Variants in JADE2 observed in about 807,000 individuals in gnomAD.
JADE2 encodes E3 ubiquitin-protein ligase Jade-2.
JADE2 carries 13 observed loss-of-function variants against 85.7 expected under a neutral mutation model. The observed-to-expected ratio is 0.15, with a 90% confidence interval of 0.10 to 0.24. JADE2 has a LOEUF of 0.24. Ranked by LOEUF, JADE2 falls within the 10% of genes least tolerant of loss-of-function variation. JADE2 has a pLI of 1.00. For synonymous variants in JADE2, 440 were observed against 456.1 expected (o/e 0.96, Z 0.45); for missense variants, 846 against 1,115.9 (o/e 0.76, Z 3.45).
chr5:134,539,434 G>A (rs1334031528), intron 3 of JADE2, among the ~76,000 whole-genome samples: 1 of 150,020 alleles, frequency 6.7e-6, no homozygotes, highest in Non-Finnish European at 1.5e-5. Context: ...CCTGACCTCA[G>A]GTGATCCACC....
At position 134,581,386 on chromosome 5, in the gene JADE2, T is replaced by C. The variant is rs574801395; in HGVS notation, c.*2069T>C. 1 of 152,842 alleles carries C rather than the reference T, an allele frequency of 6.5e-6. No homozygotes were observed. The highest frequency in any genetic ancestry group is 2.1e-4 in the South Asian group (1 of 4,828). 9.5% of individuals were successfully genotyped at this position (152,842 alleles called of 1,614,324 possible). A position where few individuals can be genotyped will look rare whatever the true frequency, so the allele number is the denominator to read the frequency against. On this transcript the variant is annotated 3_prime_UTR_variant, in exon 12 of 12. Transcript: ENST00000681547. Reference sequence around the variant, plus strand: ...TGGGTCACCTCGGGCTGCAACCCTGTCTGTGCCAGATTGCCCGGTCTGACC... The same window carrying C: ...TGGGTCACCTCGGGCTGCAACCCTGCCTGTGCCAGATTGCCCGGTCTGACC...
chr5:134,556,023 A>C (rs1762893033), intron 4 of JADE2, among the ~76,000 whole-genome samples: 1 of 151,734 alleles, frequency 6.6e-6, no homozygotes, highest in South Asian at 2.1e-4. Flanking sequence ...CGTCTCCTTC[A>C]TCCTTCCTGC....
Position 134,535,332 on chromosome 5 carries a change from C to G in JADE2, c.1-526C>G, listed in dbSNP as rs138716553. Among the ~76,000 whole-genome samples, 8 of 152,292 alleles carry G rather than the reference C, an allele frequency of 5.3e-5. No individual in the cohort carries two copies. The South Asian group carries it at 1.5e-3, about 28-fold the overall frequency. On this transcript the variant is annotated intron_variant, in intron 1 of 11. Coordinates refer to ENST00000681547, the MANE Select transcript of JADE2 (RefSeq NM_001388185.1). ...CCTGGAGTGTCCCCCGCCTCTCCCCCGCTTCTGTACACTGCTGACCACCAC... is the reference window on the plus strand; with the variant it reads ...CCTGGAGTGTCCCCCGCCTCTCCCCGGCTTCTGTACACTGCTGACCACCAC...
Position 134,552,136 on chromosome 5 carries a change from C to T in JADE2, c.238C>T (p.Pro80Ser), listed in dbSNP as rs142606901. Reference sequence around the variant, plus strand: ...GGATGACTACTACATCCTGGCAGACCCATGGCGACAGGAATGGGAGAAAGG... The same window carrying T: ...GGATGACTACTACATCCTGGCAGACTCATGGCGACAGGAATGGGAGAAAGG... ...SPDDYYILAD[P>S]WRQEWEKGVQ... The change falls in exon 4 of 12, where the codon CCA becomes TCA. Residue 80 changes from proline to serine, a missense_variant. By Grantham distance (74) the Pro-to-Ser change is moderately conservative (BLOSUM62 -1). This residue lies in a region of JADE2 where 44 missense variants were observed against 92.0 expected (regional missense o/e 0.48). Transcript: ENST00000681547. 1.9e-6 allele frequency: 3 copies of T among 1,614,012 alleles called. No homozygotes were observed. The African/African-American group carries it at 4.0e-5, about 22-fold the overall frequency.
intron 4 of JADE2, 56 bp from the exon 5 acceptor site, chr5:134,559,774 C>G: frequency 6.4e-7 from 1 of 1,559,612 alleles, no homozygotes; most frequent in South Asian, 1.2e-5. Flanking sequence ...CCTGGAGCCC[C>G]TATGGCGGCA....
rs1436157662 is a variant in JADE2 at position 134,566,324 on chromosome 5, G to A, written c.1178G>A (p.Arg393His). 1 of 1,614,030 alleles carries A rather than the reference G, an allele frequency of 6.2e-7. No individual in the cohort carries two copies. The highest frequency in any genetic ancestry group is 8.5e-7 in the Non-Finnish European group (1 of 1,180,014). ...GAGGACCTGGAAAAGGTGACCCTGC[G>A]CAAGCAGCGGCTGCAGCAGCTAGAG... ...AGEDLEKVTL[R>H]KQRLQQLEED... The change falls in exon 9 of 12, where the codon CGC becomes CAC. Residue 393 changes from arginine (R) to histidine (H), a missense_variant. By Grantham distance (29) the Arg-to-His change is conservative. Around this residue, in one of 9 missense-constraint regions of JADE2, gnomAD observed 88 missense variants for 140.6 expected, o/e 0.63. Coordinates refer to ENST00000681547, the MANE Select transcript of JADE2 (RefSeq NM_001388185.1). This position sits in a 1 kb window ranked among gnomAD's most constrained non-coding sequence, Gnocchi z 6.7.
At chr5:134,552,819 C>T (rs539309887) in intron 4 of JADE2, among the ~76,000 whole-genome samples, 8 of 151,708 alleles carry the variant, frequency 5.3e-5, no homozygotes, top group Non-Finnish European at 5.9e-5. Flanking sequence ...ACTACAGGCT[C>T]ATGCCACCAC....
In JADE2 at chr5:134,579,364, G is replaced by C; in HGVS notation, c.*47G>C. 7.0e-7 allele frequency: 1 copy of C among 1,431,728 alleles called. No homozygotes were observed. 88.7% of individuals were successfully genotyped at this position (1,431,728 alleles called of 1,614,324 possible). A position where few individuals can be genotyped will look rare whatever the true frequency, so the allele number is the denominator to read the frequency against. ...GGCCCTGCCCTGGTCCCCCCACAAG[G>C]CCTCAGCCCAGTCACAACTGCCATT... On this transcript the variant is annotated 3_prime_UTR_variant, in exon 12 of 12. Transcript: ENST00000681547. The surrounding 1 kb of genome is among the most constrained non-coding windows in gnomAD (Gnocchi z 4.6).
At position 134,526,410 on chromosome 5, in the gene JADE2, G is replaced by A; in HGVS notation, c.-1+399G>A. On this transcript the variant is annotated intron_variant, in intron 1 of 11. Transcript: ENST00000681547. ...CCCGCGGGCTCCGGCCGGGCGTAGG[G>A]GCTGCGGCGGGAGATGGGTACGGTG... The A allele has an allele frequency of 5.1e-6, 5 of 985,352 alleles. No homozygotes were observed. In the South Asian group the frequency reaches 2.3e-4, roughly 46 times the overall value. 61.0% of individuals were successfully genotyped at this position (985,352 alleles called of 1,614,324 possible).
chr5:134,538,151 C>A, intron 3 of JADE2, 68 bp downstream of exon 3: 2 of 1,292,160 alleles, frequency 1.5e-6, no homozygotes, highest in Non-Finnish European at 2.2e-6. Context: ...GAGACTGGGG[C>A]AGAGCATTCC....
At chr5:134,536,790 AGGCCG>A (rs1320021324) in intron 2 of JADE2, 2 of 152,342 alleles carry the variant, frequency 1.3e-5, no homozygotes, top group Non-Finnish European at 2.9e-5. Flanking sequence ...CCTGCCAAGG[AGGCCG>A]GGCTTGGAGC....
At chr5:134,540,779 A>T (rs192650357) in intron 3 of JADE2, among the ~76,000 whole-genome samples, 87 of 152,248 alleles carry the variant, frequency 5.7e-4, no homozygotes, top group Admixed American at 1.8e-3. Flanking sequence ...TCCAGGGGGA[A>T]CTTAAGCCAG....
chr5:134,552,197 A>T lies in JADE2; in HGVS notation c.299A>T (p.Glu100Val). 8 of 1,613,940 alleles carry T rather than the reference A, an allele frequency of 5.0e-6. No individual in the cohort carries two copies. Among genetic ancestry groups the T allele is most frequent in the Non-Finnish European group, 5.9e-6 (7 of 1,179,858 alleles). Residue 100 changes from glutamate to valine, a missense_variant, in exon 4 of 12, where the codon GAG becomes GTG. Glu to Val is a moderately radical substitution (Grantham distance 121). Coordinates refer to ENST00000681547, the MANE Select transcript of JADE2 (RefSeq NM_001388185.1). ...QVPAGAEAIP[E>V]PVVRILPPLE... ...CCTGCCGGGGCAGAGGCCATCCCAG[A>T]GCCCGTGGTGAGGTGAGCCAGGCAG...
intron 3 of JADE2, among the ~76,000 whole-genome samples, chr5:134,546,333 AT>A (rs1333028144): frequency 6.6e-6 from 1 of 152,076 alleles, no homozygotes; most frequent in African/African-American, 2.4e-5. Flanking sequence ...TAACTGGCTA[AT>A]TTTTGTTCCA....
Position 134,562,745 on chromosome 5 carries a change from C to G in JADE2, c.852+378C>G, listed in dbSNP as rs1427065101. Among the ~76,000 whole-genome samples the G allele has an allele frequency of 6.6e-6, 1 of 152,132 alleles. No individual in the cohort carries two copies. The highest frequency in any genetic ancestry group is 2.4e-5 in the African/African-American group (1 of 41,420). ...CACCACTGCACTCCAGCCTGGGTGA[C>G]AGAGCAAGACTCCGTCTGAAAAACA... is the stretch of plus-strand genomic sequence containing the variant. On this transcript the variant is annotated intron_variant, in intron 7 of 11. Transcript: ENST00000681547. This position sits in a 1 kb window ranked among gnomAD's most constrained non-coding sequence, Gnocchi z 4.6.
At chr5:134,543,569 C>T (rs999353171) in intron 3 of JADE2, among the ~76,000 whole-genome samples, 5 of 151,978 alleles carry the variant, frequency 3.3e-5, no homozygotes, top group Non-Finnish European at 7.4e-5. Flanking sequence ...CCCAGCTACT[C>T]AGGAGGTTGA....
intron 2 of JADE2, 21 bp downstream of exon 2, chr5:134,535,936 C>T: frequency 1.9e-6 from 3 of 1,608,624 alleles, no homozygotes; most frequent in Non-Finnish European, 2.6e-6. Context: ...CCAGTTTGGG[C>T]TCCTACAGGG....
chr5:134,574,048 G>C (rs111687622), intron 10 of JADE2: 10 of 482,300 alleles, frequency 2.1e-5, no homozygotes, highest in African/African-American at 1.6e-4. Context: ...TTCAGGAGCT[G>C]ATTGCATGTG....
At chr5:134,559,705 G>A in intron 4 of JADE2, 125 bp from the exon 5 acceptor site, 1 of 870,840 alleles carries the variant, frequency 1.1e-6, no homozygotes, top group Non-Finnish European at 1.7e-6. Flanking sequence ...AAGGAGGTGG[G>A]CCCTGTGTGG....
Sources: gnomAD v4.1 joint callset for allele counts (sites outside exome capture counted in the v4.1 genomes callset) on GRCh38, gnomAD v4.1.1 for gene constraint, gnomAD v4.1.1 regional missense constraint, Gnocchi (gnomAD v3.1) non-coding constraint, MANE v1.5 for transcripts, NCBI Gene and HGNC (gene_info 2026-07-23, HGNC 2026-07-21) for gene names.